Variants in ERG28 observed in about 807,000 individuals in gnomAD.
ERG28 encodes ergosterol biosynthetic protein 28 homolog.
A neutral mutation model predicts 15.7 loss-of-function variants in ERG28; 9 were observed. The ratio of observed to expected loss-of-function variants is 0.57; its 90% CI spans 0.35 to 1.00. The LOEUF (loss-of-function observed/expected upper bound fraction) is 1.00. ERG28 is among the 50% of genes least tolerant of loss of function. ERG28 has a pLI of 0.02. For missense variants in ERG28, 117 were observed against 173.3 expected, an observed-to-expected ratio of 0.68 and a Z score of 1.82; for synonymous variants, 61 against 68.4, an observed-to-expected ratio of 0.89 and a Z score of 0.53.
In ERG28 at chr14:75,657,019, C is replaced by CT. The variant is rs3214359; in HGVS notation, c.133+350dup. On this transcript the variant is annotated intron_variant, in intron 2 of 4. Coordinates refer to ENST00000256319, the MANE Select transcript of ERG28 (RefSeq NM_007176.4). ...TATTTCCTCACTTGCCCTTATAATG[C>CT]TTTTTTTTTTTTTTTTTTAAATACA... 8.8e-3 allele frequency among the ~76,000 whole-genome samples: 1,167 copies of CT among 133,096 alleles called. 6 individuals are homozygous for CT. The highest frequency in any genetic ancestry group is 0.012 in the African/African-American group (429 of 36,562). 87.3% of individuals were successfully genotyped at this position (133,096 alleles called of 152,430 possible).
intron 1 of ERG28, among the ~76,000 whole-genome samples, chr14:75,659,476 A>G (rs986303525): frequency 6.7e-6 from 1 of 149,954 alleles, no homozygotes; most frequent in Non-Finnish European, 1.5e-5. Flanking sequence ...TCCTACCTCA[A>G]CCTCTCCACT....
intron 1 of ERG28, among the ~76,000 whole-genome samples, chr14:75,658,360 T>C (rs1265996149): frequency 6.6e-6 from 1 of 152,214 alleles, no homozygotes; most frequent in Non-Finnish European, 1.5e-5. Context: ...AGGTTTTTTT[T>C]TTCTCCAGCA....
At chr14:75,653,841 C>T (rs1160094431) in intron 3 of ERG28, among the ~76,000 whole-genome samples, 1 of 151,954 alleles carries the variant, frequency 6.6e-6, no homozygotes, top group African/African-American at 2.4e-5. Flanking sequence ...GGACTTGCTA[C>T]TGCAAAGCTA....
At chr14:75,656,279 AACACACACACACACACACACACACACAC>A (rs34053718) in intron 2 of ERG28, among the ~76,000 whole-genome samples, 3 of 135,984 alleles carry the variant, frequency 2.2e-5, no homozygotes, top group South Asian at 2.5e-4. Context: ...GTGCTGGCTG[AACACACACACACACACACACACACACAC>A]ACACACACAC....
intron 4 of ERG28, 40 bp downstream of exon 4, chr14:75,651,731 C>A (rs200243333): frequency 3.8e-6 from 6 of 1,592,084 alleles, no homozygotes; most frequent in Admixed American, 1.7e-5. Context: ...CTAGAGCTGG[C>A]ACAGCTCCTG....
At chr14:75,651,713 T>C in intron 4 of ERG28, 58 bp downstream of exon 4, 1 of 1,591,144 alleles carries the variant, frequency 6.3e-7, no homozygotes, top group Non-Finnish European at 8.6e-7. Context: ...CCACCCTCTG[T>C]ACTAGCTCTA....
chr14:75,651,383 T>G lies in ERG28; in HGVS notation c.*172A>C. ...TTATTCTTTAAATTGTACGTACATG[T>G]TATATACTTTTCAGTATGCATATCT... On this transcript the variant is annotated 3_prime_UTR_variant, in exon 5 of 5. Transcript: ENST00000256319. 1 of 585,056 alleles carries G rather than the reference T, an allele frequency of 1.7e-6. No individual in the cohort carries two copies. Among genetic ancestry groups the G allele is most frequent in the African/African-American group, 1.9e-5 (1 of 53,892 alleles). 36.2% of individuals were successfully genotyped at this position (585,056 alleles called of 1,614,324 possible). A position where few individuals can be genotyped will look rare whatever the true frequency, so the allele number is the denominator to read the frequency against.
intron 1 of ERG28, among the ~76,000 whole-genome samples, chr14:75,658,166 TG>T (rs1354704202): frequency 1.3e-5 from 2 of 152,142 alleles, no homozygotes; most frequent in Non-Finnish European, 2.9e-5. Flanking sequence ...TTATATTCGT[TG>T]TGTTTTCAGG....
chr14:75,657,257 G>A, intron 2 of ERG28, 113 bp downstream of exon 2: 1 of 1,324,142 alleles, frequency 7.6e-7, no homozygotes, highest in Non-Finnish European at 1.0e-6. Flanking sequence ...ATGGGTACCT[G>A]TGTTTGTTGA....
chr14:75,656,506 C>T (rs534622159), intron 2 of ERG28, among the ~76,000 whole-genome samples: 20 of 152,282 alleles, frequency 1.3e-4, no homozygotes, highest in African/African-American at 4.8e-4. Context: ...CTCACTTTCC[C>T]AGGTTCTTTA....
chr14:75,656,279 A>ACAC (rs1890595171), intron 2 of ERG28, among the ~76,000 whole-genome samples: 2 of 135,892 alleles, frequency 1.5e-5, no homozygotes, highest in Admixed American at 1.5e-4. Context: ...GTGCTGGCTG[A>ACAC]ACACACACAC....
intron 3 of ERG28, among the ~76,000 whole-genome samples, chr14:75,654,149 G>A (rs1416776310): frequency 6.6e-6 from 1 of 152,182 alleles, no homozygotes. Context: ...AATAAGAGGG[G>A]CTCAATAAAT....
chr14:75,658,557 C>G (rs939752244), intron 1 of ERG28, among the ~76,000 whole-genome samples: 3 of 152,186 alleles, frequency 2.0e-5, no homozygotes, highest in Admixed American at 6.5e-5. Context: ...GCCAGTTTAG[C>G]AGGATCACAC....
intron 1 of ERG28, among the ~76,000 whole-genome samples, chr14:75,659,713 T>C (rs1041885355): frequency 6.6e-6 from 1 of 152,214 alleles, no homozygotes; most frequent in Non-Finnish European, 1.5e-5. Flanking sequence ...CCACGGTTTA[T>C]CTGTTGTCAG....
At chr14:75,659,389 G>A (rs967470065) in intron 1 of ERG28, among the ~76,000 whole-genome samples, 1 of 152,034 alleles carries the variant, frequency 6.6e-6, no homozygotes, top group South Asian at 2.1e-4. Context: ...ACAGGGTCTT[G>A]CTCTGTCACA....
intron 2 of ERG28, among the ~76,000 whole-genome samples, chr14:75,655,730 A>G (rs1161128266): frequency 2.6e-5 from 4 of 152,206 alleles, no homozygotes; most frequent in Non-Finnish European, 5.9e-5. Context: ...CAGACCAACT[A>G]TATCGTATTC....
intron 3 of ERG28, among the ~76,000 whole-genome samples, chr14:75,654,210 A>G (rs1434344672): frequency 1.3e-5 from 2 of 152,236 alleles, no homozygotes; most frequent in Non-Finnish European, 2.9e-5. Flanking sequence ...TAAGACAGAA[A>G]AACATTTTAA....
chr14:75,658,358 T>C (rs1478429923), intron 1 of ERG28, among the ~76,000 whole-genome samples: 1 of 152,170 alleles, frequency 6.6e-6, no homozygotes, highest in Admixed American at 6.5e-5. Flanking sequence ...CAAGGTTTTT[T>C]TTTTCTCCAG....
rs1890522142 is a variant in ERG28 at position 75,651,271 on chromosome 14, T to C, written c.*284A>G. Reference sequence around the variant, plus strand: ...CTGGAAAAGGGAGCCTGGAAGAGGTTGCAGGTAGGGGAAGGAGACACAGTG... The same window carrying C: ...CTGGAAAAGGGAGCCTGGAAGAGGTCGCAGGTAGGGGAAGGAGACACAGTG... On this transcript the variant is annotated 3_prime_UTR_variant, in exon 5 of 5. Transcript: ENST00000256319. The C allele has an allele frequency of 3.7e-6, 1 of 273,054 alleles. No individual in the cohort carries two copies. The highest frequency in any genetic ancestry group is 2.2e-5 in the African/African-American group (1 of 45,708). The allele number at this position is 273,054 out of a possible 1,614,324, so 16.9% of individuals were successfully genotyped here.
Sources: gnomAD v4.1 joint callset for allele counts (sites outside exome capture counted in the v4.1 genomes callset) on GRCh38, gnomAD v4.1.1 for gene constraint, MANE v1.5 for transcripts, NCBI Gene and HGNC (gene_info 2026-07-23, HGNC 2026-07-21) for gene names.